Variants in TBC1D7 observed in about 807,000 individuals in gnomAD.
TBC1D7 encodes TBC1 domain family member 7.
In TBC1D7, 33 loss-of-function variants were observed where a neutral mutation model predicts 35.3. That is an observed-to-expected ratio of 0.93 (90% confidence interval 0.71 to 1.25). The LOEUF is 1.25. Among genes scored for constraint, TBC1D7 ranks in the 50% most tolerant of loss-of-function variants. The pLI, the probability that TBC1D7 is intolerant of heterozygous loss-of-function variation, is 0.00. For missense variants in TBC1D7, 362 were observed against 365.3 expected, an observed-to-expected ratio of 0.99 and a Z score of 0.07; for synonymous variants, 135 against 129.5, an observed-to-expected ratio of 1.04 and a Z score of -0.29.
At chr6:13,321,491 G>A (rs1465521167) in intron 3 of TBC1D7, among the ~76,000 whole-genome samples, 1 of 152,144 alleles carries the variant, frequency 6.6e-6, no homozygotes, top group Non-Finnish European at 1.5e-5. Context: ...CTACATCTCA[G>A]AACCACCAAC....
chr6:13,316,717 T>G lies in TBC1D7; in HGVS notation c.382-9A>C, dbSNP rs758435422. 9 of 1,612,942 alleles carry G rather than the reference T, an allele frequency of 5.6e-6. No homozygotes were observed. The highest frequency in any genetic ancestry group is 7.6e-6 in the Non-Finnish European group (9 of 1,179,686). Reference sequence around the variant, plus strand: ...ACTTCATCATCTGGCTCCTGAAAGATTAATAATAAATCTCAAGAGGAAGGC... The same window carrying G: ...ACTTCATCATCTGGCTCCTGAAAGAGTAATAATAAATCTCAAGAGGAAGGC... On this transcript the variant is annotated splice_polypyrimidine_tract_variant and intron_variant, in intron 4 of 7. Coordinates refer to ENST00000379300, the MANE Select transcript of TBC1D7 (RefSeq NM_016495.6).
chr6:13,312,257 G>A (rs1562160947), intron 5 of TBC1D7, among the ~76,000 whole-genome samples: 1 of 152,194 alleles, frequency 6.6e-6, no homozygotes, highest in Non-Finnish European at 1.5e-5. Context: ...AGGAACAGGA[G>A]GAGGAGTGAT....
chr6:13,308,546 A>G (rs1052288075), intron 5 of TBC1D7, among the ~76,000 whole-genome samples: 1 of 152,186 alleles, frequency 6.6e-6, no homozygotes, highest in African/African-American at 2.4e-5. Flanking sequence ...ATTGGCTGCT[A>G]TATTTAGGCT....
In TBC1D7 at chr6:13,328,333, G is replaced by A. The variant is rs901450970; in HGVS notation, c.-46C>T. On this transcript the variant is annotated 5_prime_UTR_variant, in exon 1 of 8. Coordinates refer to ENST00000379300, the MANE Select transcript of TBC1D7 (RefSeq NM_016495.6). ...AAACACACCCGGGTTGAGACTAAGTGGTCCGGGAGAAGCAGAGGAAGCCGT... is the reference window on the plus strand; with the variant it reads ...AAACACACCCGGGTTGAGACTAAGTAGTCCGGGAGAAGCAGAGGAAGCCGT... 1 of 152,626 alleles carries A rather than the reference G, an allele frequency of 6.6e-6. No homozygotes were observed. The highest frequency in any genetic ancestry group is 1.5e-5 in the Non-Finnish European group (1 of 68,286). The allele number at this position is 152,626 out of a possible 1,614,324, so 9.5% of individuals were successfully genotyped here.
rs201688871 is a variant in TBC1D7 at position 13,305,167 on chromosome 6, G to T, written c.816C>A (p.Asp272Glu). Residue 272 changes from aspartate to glutamate, a missense_variant, in exon 8 of 8, where the codon GAC becomes GAA. Coordinates refer to ENST00000379300, the MANE Select transcript of TBC1D7 (RefSeq NM_016495.6). Reference sequence around the variant, plus strand: ...AGTCAATGGCCTTGCTCACGATCGCGTCTGAGCTGTCCTGGGGAATCTGTG... The same window carrying T: ...AGTCAATGGCCTTGCTCACGATCGCTTCTGAGCTGTCCTGGGGAATCTGTG... ...FLENIPQDSS[D>E]AIVSKAIDLW... The T allele has an allele frequency of 1.2e-6, 2 of 1,614,162 alleles. No homozygotes were observed. Among genetic ancestry groups the T allele is most frequent in the Non-Finnish European group, 1.7e-6 (2 of 1,180,026 alleles).
rs200001650 is a variant in TBC1D7 at position 13,323,364 on chromosome 6, T to TA, written c.193+1729dup. On this transcript the variant is annotated intron_variant, in intron 3 of 7. Transcript: ENST00000379300. ...AAACTCTGTCTCAAAATAAAAAAAT[T>TA]AAAAAAAAAGAAAGAATGGTTAAGA... Among the ~76,000 whole-genome samples, 1,233 of 149,556 alleles carry TA rather than the reference T, an allele frequency of 8.2e-3. 20 individuals are homozygous for TA. The highest frequency in any genetic ancestry group is 0.029 in the African/African-American group (1,170 of 40,670).
intron 2 of TBC1D7, among the ~76,000 whole-genome samples, chr6:13,325,804 T>C (rs1784366787): frequency 6.6e-6 from 1 of 152,254 alleles, no homozygotes; most frequent in Non-Finnish European, 1.5e-5. Flanking sequence ...TAGGTAGTTC[T>C]TGTTCTAAAA....
intron 7 of TBC1D7, among the ~76,000 whole-genome samples, chr6:13,305,449 A>T (rs1481185188): frequency 6.6e-6 from 1 of 152,182 alleles, no homozygotes; most frequent in Non-Finnish European, 1.5e-5. Context: ...TCAGATCCCC[A>T]TCTCTAAAAT....
intron 3 of TBC1D7, among the ~76,000 whole-genome samples, chr6:13,324,446 A>G (rs1784273757): frequency 6.6e-6 from 1 of 152,090 alleles, no homozygotes; most frequent in Admixed American, 6.5e-5. Flanking sequence ...TTTTTTTAAG[A>G]AAGAAAAGGA....
At chr6:13,314,614 G>A (rs540523075) in intron 5 of TBC1D7, among the ~76,000 whole-genome samples, 14 of 152,236 alleles carry the variant, frequency 9.2e-5, no homozygotes, top group African/African-American at 2.4e-4. Context: ...CAACAAAGTG[G>A]ATCAAATTTC....
rs149039844 is a variant in TBC1D7, at chr6:13,318,609, G to C, written c.382-1901C>G. 15 of 152,228 alleles carry C rather than the reference G, an allele frequency of 9.9e-5. No homozygotes were observed. In the East Asian group the frequency reaches 1.5e-3, roughly 16 times the overall value. The allele number at this position is 152,228 out of a possible 1,614,324, so 9.4% of individuals were successfully genotyped here. A position where few individuals can be genotyped will look rare whatever the true frequency, so the allele number is the denominator to read the frequency against. On this transcript the variant is annotated intron_variant, in intron 4 of 7. Coordinates refer to ENST00000379300, the MANE Select transcript of TBC1D7 (RefSeq NM_016495.6). ...ATGATCTTTATTAGCTCTAAGGTTTGTCCATGGATACCTCATCATTAACGT... is the reference window on the plus strand; with the variant it reads ...ATGATCTTTATTAGCTCTAAGGTTTCTCCATGGATACCTCATCATTAACGT...
intron 6 of TBC1D7, 128 bp downstream of exon 6, chr6:13,307,472 T>C: frequency 1.1e-6 from 1 of 895,306 alleles, no homozygotes; most frequent in East Asian, 2.4e-5. Flanking sequence ...CGGTAGCTGC[T>C]GGAGGACTGA....
intron 5 of TBC1D7, among the ~76,000 whole-genome samples, chr6:13,315,609 TG>T (rs771430698): frequency 6.6e-6 from 1 of 152,034 alleles, no homozygotes; most frequent in Non-Finnish European, 1.5e-5. Context: ...CCCACTTACT[TG>T]GGAGGCTAAA....
At position 13,305,429 on chromosome 6, in the gene TBC1D7, T is replaced by C. The variant is rs563130; in HGVS notation, c.796-242A>G. ...GCACCCCCGGGCAGGTTACCTAAGCTACCTGGGTTTCAGATCCCCATCTCT... is the reference window on the plus strand; with the variant it reads ...GCACCCCCGGGCAGGTTACCTAAGCCACCTGGGTTTCAGATCCCCATCTCT... On this transcript the variant is annotated intron_variant, in intron 7 of 7. Transcript: ENST00000379300. Among the ~76,000 whole-genome samples the C allele has an allele frequency of 0.021, 3,250 of 152,278 alleles. 110 individuals carry two copies. Among genetic ancestry groups the C allele is most frequent in the African/African-American group, 0.073 (3,031 of 41,546 alleles).
At chr6:13,308,311 C>T (rs918757484) in intron 5 of TBC1D7, among the ~76,000 whole-genome samples, 1 of 152,236 alleles carries the variant, frequency 6.6e-6, no homozygotes, top group Admixed American at 6.5e-5. Context: ...CACCACTGTG[C>T]ACCAGTGCCA....
chr6:13,326,612 C>T (rs1784421652), intron 2 of TBC1D7, among the ~76,000 whole-genome samples, 175 bp downstream of exon 2: 1 of 152,100 alleles, frequency 6.6e-6, no homozygotes, highest in South Asian at 2.1e-4. Flanking sequence ...ACTTCTGACG[C>T]TCAGTGAAAT....
intron 5 of TBC1D7, among the ~76,000 whole-genome samples, chr6:13,309,464 C>T (rs1783043324): frequency 6.6e-6 from 1 of 152,184 alleles, no homozygotes; most frequent in Admixed American, 6.5e-5. Context: ...GTGAGCAAAT[C>T]AATACTGTGA....
chr6:13,311,591 G>C (rs2439542), intron 5 of TBC1D7, among the ~76,000 whole-genome samples: 1 of 152,020 alleles, frequency 6.6e-6, no homozygotes, highest in Non-Finnish European at 1.5e-5. Context: ...AGGAAGTTTA[G>C]GTTTTGTATA....
chr6:13,317,971 G>A (rs1010107659), intron 4 of TBC1D7: 13 of 152,350 alleles, frequency 8.5e-5, no homozygotes. Context: ...ACTGGATCAT[G>A]AGGGCTCTGC....
Sources: gnomAD v4.1 joint callset for allele counts (sites outside exome capture counted in the v4.1 genomes callset) on GRCh38, gnomAD v4.1.1 for gene constraint, MANE v1.5 for transcripts, NCBI Gene and HGNC (gene_info 2026-07-23, HGNC 2026-07-21) for gene names.